Variants in CDK6 observed in about 807,000 individuals in gnomAD.
CDK6 encodes cyclin-dependent kinase 6.
Under a neutral mutation model 37.1 loss-of-function variants are expected in CDK6, and 6 were observed. The ratio of observed to expected loss-of-function variants is 0.16; its 90% CI spans 0.09 to 0.32. The LOEUF (loss-of-function observed/expected upper bound fraction) is 0.32, where lower values mean the gene tolerates loss of function less well. Ranked by LOEUF, CDK6 falls within the 10% of genes least tolerant of loss-of-function variation. CDK6 has a pLI of 1.00. For synonymous variants in CDK6, 160 were observed against 161.3 expected (o/e 0.99, Z 0.06); for missense variants, 224 against 418.9 (o/e 0.53, Z 4.06).
chr7:92,625,698 T>C (rs1795913406), intron 5 of CDK6, among the ~76,000 whole-genome samples: 1 of 152,110 alleles, frequency 6.6e-6, no homozygotes, highest in Admixed American at 6.6e-5. Context: ...TAGATATCAT[T>C]TGTAATCTCA....
At chr7:92,637,077 G>A (rs900440208) in intron 5 of CDK6, among the ~76,000 whole-genome samples, 2 of 152,100 alleles carry the variant, frequency 1.3e-5, no homozygotes, top group African/African-American at 2.4e-5. Context: ...CTACACTTAC[G>A]GTTTTAGAAA....
chr7:92,802,965 GAAC>G (rs2115906461), intron 2 of CDK6, among the ~76,000 whole-genome samples: 1 of 152,278 alleles, frequency 6.6e-6, no homozygotes, highest in South Asian at 2.1e-4. Flanking sequence ...CTTCAGTTGA[GAAC>G]TACTACTATA....
In CDK6 at chr7:92,612,402, T is replaced by C. The variant is rs1447804200; in HGVS notation, c.*2738A>G. 1 of 233,106 alleles carries C rather than the reference T, an allele frequency of 4.3e-6. No homozygotes were observed. The highest frequency in any genetic ancestry group is 8.5e-6 in the Non-Finnish European group (1 of 117,988). 14.4% of individuals were successfully genotyped at this position (233,106 alleles called of 1,614,324 possible). A position where few individuals can be genotyped will look rare whatever the true frequency, so the allele number is the denominator to read the frequency against. Reference sequence around the variant, plus strand: ...AGCTGTAGTCACTAAGTTCTTACTCTACTATCTGCTTCAAAATGCCCTAAC... The same window carrying C: ...AGCTGTAGTCACTAAGTTCTTACTCCACTATCTGCTTCAAAATGCCCTAAC... On this transcript the variant is annotated 3_prime_UTR_variant, in exon 8 of 8. Coordinates refer to ENST00000424848, the MANE Select transcript of CDK6 (RefSeq NM_001145306.2).
intron 3 of CDK6, among the ~76,000 whole-genome samples, chr7:92,731,144 T>C (rs1798638648): frequency 6.6e-6 from 1 of 152,226 alleles, no homozygotes; most frequent in African/African-American, 2.4e-5. Flanking sequence ...GCTTCTACTC[T>C]ATTTCAAAAC....
intron 2 of CDK6, among the ~76,000 whole-genome samples, chr7:92,815,030 T>TGCCTCCAC (rs1440520760): frequency 1.3e-5 from 2 of 152,096 alleles, no homozygotes; most frequent in African/African-American, 4.8e-5. Context: ...GAGGGCACCG[T>TGCCTCCAC]GGAGGAAGCA....
chr7:92,701,409 CTTT>C (rs1158011467), intron 4 of CDK6, among the ~76,000 whole-genome samples: 1 of 146,086 alleles, frequency 6.8e-6, no homozygotes. Flanking sequence ...AGCTTACACA[CTTT>C]TTTTTTTTTT....
intron 5 of CDK6, among the ~76,000 whole-genome samples, chr7:92,625,109 A>T (rs1795894478): frequency 6.6e-6 from 1 of 151,880 alleles, no homozygotes; most frequent in Non-Finnish European, 1.5e-5. Context: ...TTCATTTGTA[A>T]AATGGAAAGA....
At chr7:92,788,663 G>C (rs1313232870) in intron 2 of CDK6, among the ~76,000 whole-genome samples, 3 of 152,108 alleles carry the variant, frequency 2.0e-5, no homozygotes, top group African/African-American at 7.2e-5. Flanking sequence ...CCACAATGAG[G>C]CACATTGTAA....
At chr7:92,652,062 A>G (rs1396700189) in intron 5 of CDK6, among the ~76,000 whole-genome samples, 4 of 152,248 alleles carry the variant, frequency 2.6e-5, no homozygotes, top group Non-Finnish European at 5.9e-5. Flanking sequence ...TCAACATTTC[A>G]TAACGTATTG....
intron 5 of CDK6, among the ~76,000 whole-genome samples, chr7:92,662,874 T>C (rs1212705937): frequency 6.6e-6 from 1 of 152,140 alleles, no homozygotes; most frequent in Non-Finnish European, 1.5e-5. Flanking sequence ...AAGAAGCAGA[T>C]AGCTAAAAAC....
chr7:92,630,426 C>T (rs979007980), intron 5 of CDK6, among the ~76,000 whole-genome samples: 2 of 152,024 alleles, frequency 1.3e-5, no homozygotes, highest in African/African-American at 2.4e-5. Flanking sequence ...GTTCCTAATG[C>T]ATTATTGCAT....
At chr7:92,725,998 A>C (rs1798504464) in intron 3 of CDK6, among the ~76,000 whole-genome samples, 1 of 152,056 alleles carries the variant, frequency 6.6e-6, no homozygotes, top group South Asian at 2.1e-4. Flanking sequence ...TTCACTCTCA[A>C]CCTGTATTTT....
intron 2 of CDK6, among the ~76,000 whole-genome samples, chr7:92,798,466 CTG>C (rs745897373): frequency 6.6e-6 from 1 of 152,216 alleles, no homozygotes. Context: ...CAAATATTAA[CTG>C]TGTTTTAGGA....
chr7:92,712,044 C>G (rs1365497350), intron 4 of CDK6, among the ~76,000 whole-genome samples: 1 of 151,654 alleles, frequency 6.6e-6, no homozygotes, highest in Admixed American at 6.6e-5. Context: ...AAAAATTAGC[C>G]TCCTACTCAG....
At chr7:92,754,694 C>A (rs1799269548) in intron 3 of CDK6, among the ~76,000 whole-genome samples, 1 of 152,150 alleles carries the variant, frequency 6.6e-6, no homozygotes, top group Non-Finnish European at 1.5e-5. Context: ...TTTTTGGAAG[C>A]CTGTATTTTA....
At chr7:92,672,166 T>TACACAG in intron 4 of CDK6, among the ~76,000 whole-genome samples, 2 of 38,750 alleles carry the variant, frequency 5.2e-5, no homozygotes, top group East Asian at 7.8e-4. Context: ...TATATACACA[T>TACACAG]ACACACACAC....
rs112161720 is a variant in CDK6, at chr7:92,784,202, C to G, written c.234-9371G>C. ...ACTTGGAATTAAGTGAACTCCAAGT[C>G]ACTAACCATGTGGATCATTATCTCC... is the stretch of plus-strand genomic sequence containing the variant. On this transcript the variant is annotated intron_variant, in intron 2 of 7. Coordinates refer to ENST00000424848, the MANE Select transcript of CDK6 (RefSeq NM_001145306.2). Among the ~76,000 whole-genome samples the G allele has an allele frequency of 2.6e-3, 395 of 152,202 alleles. 1 individual carries two copies. Among genetic ancestry groups the G allele is most frequent in the Non-Finnish European group, 4.4e-3 (302 of 68,008 alleles).
chr7:92,688,210 C>A (rs1797508740), intron 4 of CDK6, among the ~76,000 whole-genome samples: 1 of 152,132 alleles, frequency 6.6e-6, no homozygotes, highest in Admixed American at 6.6e-5. Flanking sequence ...ACACTCCCAC[C>A]AGAAATGTAT....
rs1795609337 is a variant in CDK6 at position 92,613,651 on chromosome 7, T to C, written c.*1489A>G. 2 of 233,080 alleles carry C rather than the reference T, an allele frequency of 8.6e-6. No homozygotes were observed. Among genetic ancestry groups the C allele is most frequent in the African/African-American group, 2.2e-5 (1 of 45,334 alleles). The allele number at this position is 233,080 out of a possible 1,614,324, so 14.4% of individuals were successfully genotyped here. On this transcript the variant is annotated 3_prime_UTR_variant, in exon 8 of 8. Coordinates refer to ENST00000424848, the MANE Select transcript of CDK6 (RefSeq NM_001145306.2). ...GGGGGATGGAGAAAAGATCATTTGATAGAGTAAATGTATGGCCCTAAAACA... is the reference window on the plus strand; with the variant it reads ...GGGGGATGGAGAAAAGATCATTTGACAGAGTAAATGTATGGCCCTAAAACA...
Sources: gnomAD v4.1 joint callset for allele counts (sites outside exome capture counted in the v4.1 genomes callset) on GRCh38, gnomAD v4.1.1 for gene constraint, MANE v1.5 for transcripts, NCBI Gene and HGNC (gene_info 2026-07-23, HGNC 2026-07-21) for gene names.